The following SMIM35 variants were observed in gnomAD, a reference collection of about 807,000 sequenced individuals.
SMIM35 encodes the protein small integral membrane protein 35.
At position 118,024,925 on chromosome 11, in the gene SMIM35, C is replaced by T. The variant is rs139887026; in HGVS notation, c.8-9116G>A. 2.7e-3 allele frequency among the ~76,000 whole-genome samples: 409 copies of T among 152,072 alleles called. 5 individuals carry two copies. Among genetic ancestry groups the T allele is most frequent in the African/African-American group, 9.3e-3 (384 of 41,428 alleles). ...TAGTTCTTCAACCCTTGCTCCTCTC[C>T]CTCTCTCCCCGATCTAGTGGTCCCC... On this transcript the variant is annotated intron_variant, in intron 1 of 4. Transcript: ENST00000689828.
chr11:118,080,175 C>T (rs1179475757), intron 1 of SMIM35, among the ~76,000 whole-genome samples: 4 of 152,124 alleles, frequency 2.6e-5, no homozygotes, highest in African/African-American at 9.7e-5. Flanking sequence ...ACAAGGTACC[C>T]CTGGAGCTGA....
chr11:118,083,921 CCAGCT>C (rs993445255), intron 1 of SMIM35, among the ~76,000 whole-genome samples: 30 of 151,974 alleles, frequency 2.0e-4, no homozygotes, highest in African/African-American at 7.0e-4. Context: ...GCCTGTAATC[CCAGCT>C]ACTCTGGAGG....
At chr11:118,023,674 T>C (rs1315666606) in intron 1 of SMIM35, among the ~76,000 whole-genome samples, 1 of 151,986 alleles carries the variant, frequency 6.6e-6, no homozygotes, top group African/African-American at 2.4e-5. Flanking sequence ...AAAAAAGTAG[T>C]GCACTTGAAG....
rs1591290795 is a variant in SMIM35, at chr11:118,038,061, T to G, written c.8-22252A>C. Reference sequence around the variant, plus strand: ...CTTATGTATTAAAAGCCCTCAGTGATTCAATTAGATTGTCCCACTGCTCAG... The same window carrying G: ...CTTATGTATTAAAAGCCCTCAGTGAGTCAATTAGATTGTCCCACTGCTCAG... On this transcript the variant is annotated intron_variant, in intron 1 of 4. Coordinates refer to ENST00000689828, the MANE Select transcript of SMIM35 (RefSeq NM_001394165.1). Among the ~76,000 whole-genome samples, 3 of 152,330 alleles carry G rather than the reference T, an allele frequency of 2.0e-5. No individual in the cohort carries two copies. The East Asian group carries it at 5.8e-4, about 29-fold the overall frequency.
intron 1 of SMIM35, among the ~76,000 whole-genome samples, chr11:118,069,959 G>C (rs572467412): frequency 2.0e-4 from 31 of 152,274 alleles, no homozygotes; most frequent in African/African-American, 6.0e-4. Flanking sequence ...CACTCGGGAG[G>C]TTGAGGCAGG....
chr11:118,053,460 G>A (rs933157510), intron 1 of SMIM35, among the ~76,000 whole-genome samples: 3 of 152,096 alleles, frequency 2.0e-5, no homozygotes, highest in South Asian at 2.1e-4. Flanking sequence ...TGAAAAGGTC[G>A]GACTTCAGTC....
intron 4 of SMIM35, among the ~76,000 whole-genome samples, chr11:118,009,697 A>G (rs2058140771): frequency 6.6e-6 from 1 of 151,592 alleles, no homozygotes; most frequent in Non-Finnish European, 1.5e-5. Flanking sequence ...ACCAGGCTAT[A>G]CGCTAAGAAC....
intron 1 of SMIM35, among the ~76,000 whole-genome samples, chr11:118,076,225 T>C (rs1362799108): frequency 6.6e-6 from 1 of 152,168 alleles, no homozygotes; most frequent in Non-Finnish European, 1.5e-5. Context: ...TGAGCCAAGA[T>C]CGCGCCACTG....
At chr11:118,027,645 G>C (rs1004842085) in intron 1 of SMIM35, among the ~76,000 whole-genome samples, 1 of 152,220 alleles carries the variant, frequency 6.6e-6, no homozygotes, top group Non-Finnish European at 1.5e-5. Flanking sequence ...TATGTTAGCA[G>C]TTAGATAACC....
intron 1 of SMIM35, among the ~76,000 whole-genome samples, chr11:118,077,461 G>A (rs756311465): frequency 6.6e-6 from 1 of 152,118 alleles, no homozygotes; most frequent in African/African-American, 2.4e-5. Flanking sequence ...ACCCCAGCCC[G>A]GTACACGTCT....
chr11:118,006,894 T>A (rs2135008009), intron 4 of SMIM35, among the ~76,000 whole-genome samples: 1 of 152,300 alleles, frequency 6.6e-6, no homozygotes, highest in South Asian at 2.1e-4. Context: ...GGGGATGTGG[T>A]CAAGAGACAA....
At chr11:118,045,660 A>C (rs1944086523) in intron 1 of SMIM35, among the ~76,000 whole-genome samples, 1 of 152,216 alleles carries the variant, frequency 6.6e-6, no homozygotes, top group Non-Finnish European at 1.5e-5. Context: ...CATAACAATA[A>C]AAAATCAAGT....
At chr11:118,020,253 G>A (rs905844556) in intron 1 of SMIM35, among the ~76,000 whole-genome samples, 2 of 152,120 alleles carry the variant, frequency 1.3e-5, no homozygotes, top group African/African-American at 2.4e-5. Flanking sequence ...GTGAGAGAGC[G>A]AGACTCCATC....
chr11:118,021,885 G>A (rs2058233533), intron 1 of SMIM35, among the ~76,000 whole-genome samples: 1 of 152,144 alleles, frequency 6.6e-6, no homozygotes, highest in South Asian at 2.1e-4. Flanking sequence ...TAAGGATATA[G>A]AGGACACAAA....
intron 1 of SMIM35, among the ~76,000 whole-genome samples, chr11:118,050,729 T>G (rs565076839): frequency 1.3e-5 from 2 of 152,332 alleles, no homozygotes; most frequent in Non-Finnish European, 2.9e-5. Flanking sequence ...TTGCTTTGAT[T>G]GGTTGCAAGT....
intron 1 of SMIM35, among the ~76,000 whole-genome samples, chr11:118,046,990 A>C (rs2135092096): frequency 6.6e-6 from 1 of 152,378 alleles, no homozygotes; most frequent in South Asian, 2.1e-4. Context: ...TAAACATTTT[A>C]AATTTCTTTG....
At chr11:118,065,127 C>T (rs965866725) in intron 1 of SMIM35, among the ~76,000 whole-genome samples, 1 of 152,198 alleles carries the variant, frequency 6.6e-6, no homozygotes, top group Non-Finnish European at 1.5e-5. Flanking sequence ...AACACCCGTC[C>T]CTCCCCAGCC....
intron 1 of SMIM35, among the ~76,000 whole-genome samples, chr11:118,022,840 T>A (rs1197541763): frequency 6.6e-6 from 1 of 151,948 alleles, no homozygotes; most frequent in Non-Finnish European, 1.5e-5. Flanking sequence ...AAACTCGTAA[T>A]TCACAGGGTA....
chr11:118,083,221 A>G (rs12223819), intron 1 of SMIM35, among the ~76,000 whole-genome samples: 2,404 of 152,322 alleles, frequency 0.016, 93 homozygotes, highest in East Asian at 0.098. Flanking sequence ...TGCCAGGAGA[A>G]AAGACTTTCT....
Sources: allele counts gnomAD v4.1 joint callset (sites outside exome capture counted in the v4.1 genomes callset), GRCh38; gene constraint gnomAD v4.1.1; transcripts MANE v1.5; gene names NCBI Gene and HGNC (gene_info 2026-07-23, HGNC 2026-07-21).